Variants in LRRC4C observed in about 807,000 individuals in gnomAD.
The protein encoded by LRRC4C is leucine-rich repeat-containing protein 4C.
LRRC4C carries 5 observed loss-of-function variants against 33.6 expected under a neutral mutation model. That is an observed-to-expected ratio of 0.15 (90% CI 0.08 to 0.31). The LOEUF (loss-of-function observed/expected upper bound fraction) is 0.31. Ranked by LOEUF, LRRC4C falls within the 10% of genes least tolerant of loss-of-function variation. The pLI, the probability that LRRC4C is intolerant of heterozygous loss-of-function variation, is 1.00. For missense variants in LRRC4C, 560 were observed against 796.7 expected (o/e 0.70, Z 3.58); for synonymous variants, 329 against 302.0 (o/e 1.09, Z -0.93).
intron 5 of LRRC4C, among the ~76,000 whole-genome samples, chr11:40,177,102 C>A (rs797018963): frequency 6.6e-6 from 1 of 151,644 alleles, no homozygotes; most frequent in African/African-American, 2.4e-5. Flanking sequence ...TACAGGCGCC[C>A]GCCACCATGT....
chr11:40,365,313 T>G (rs1948157616), intron 3 of LRRC4C, among the ~76,000 whole-genome samples: 1 of 152,144 alleles, frequency 6.6e-6, no homozygotes, highest in South Asian at 2.1e-4. Flanking sequence ...GTTTCATCTC[T>G]TGATAGGAGG....
chr11:40,261,275 A>G (rs531423194), intron 4 of LRRC4C, among the ~76,000 whole-genome samples: 1 of 152,334 alleles, frequency 6.6e-6, no homozygotes, highest in African/African-American at 2.4e-5. Context: ...TTTGAAAAAG[A>G]AAGAAATAAA....
intron 2 of LRRC4C, among the ~76,000 whole-genome samples, chr11:40,719,615 C>A (rs1946908197): frequency 1.3e-5 from 2 of 152,122 alleles, no homozygotes; most frequent in Admixed American, 1.3e-4. Context: ...TGACTGGCTG[C>A]AGTAATTGCA....
intron 1 of LRRC4C, among the ~76,000 whole-genome samples, chr11:41,142,234 T>C (rs1406236138): frequency 6.6e-6 from 1 of 152,186 alleles, no homozygotes. Context: ...ATTCATTTGC[T>C]CCCTCTGCTA....
At chr11:40,623,153 GT>G (rs976617746) in intron 3 of LRRC4C, among the ~76,000 whole-genome samples, 3 of 151,376 alleles carry the variant, frequency 2.0e-5, no homozygotes, top group East Asian at 2.0e-4. Flanking sequence ...TCAAATCTCT[GT>G]TTTTTTCATT....
chr11:40,155,345 G>GA (rs1858596649), intron 5 of LRRC4C, among the ~76,000 whole-genome samples: 1 of 151,192 alleles, frequency 6.6e-6, no homozygotes, highest in Non-Finnish European at 1.5e-5. Flanking sequence ...CAGAAGGAAG[G>GA]AAAAACCAAG....
chr11:40,847,957 AT>A (rs2135715579), intron 2 of LRRC4C, among the ~76,000 whole-genome samples: 1 of 152,104 alleles, frequency 6.6e-6, no homozygotes, highest in East Asian at 1.9e-4. Context: ...TGTTTATAGT[AT>A]TCTCTGATGG....
At chr11:41,296,069 C>T (rs534220504) in intron 1 of LRRC4C, among the ~76,000 whole-genome samples, 6 of 152,240 alleles carry the variant, frequency 3.9e-5, no homozygotes, top group East Asian at 1.9e-4. Context: ...AGAAAGTAAG[C>T]TAACAGAAAG....
intron 3 of LRRC4C, among the ~76,000 whole-genome samples, chr11:40,630,788 A>T (rs1271991046): frequency 2.6e-5 from 4 of 152,102 alleles, no homozygotes; most frequent in Admixed American, 2.6e-4. Context: ...GGCTATAATG[A>T]CCAAGGCATT....
At chr11:40,344,320 A>G (rs1947021111) in intron 3 of LRRC4C, among the ~76,000 whole-genome samples, 1 of 152,218 alleles carries the variant, frequency 6.6e-6, no homozygotes, top group African/African-American at 2.4e-5. Flanking sequence ...AGTAAGCTTT[A>G]TCCCTGGCAT....
intron 2 of LRRC4C, among the ~76,000 whole-genome samples, chr11:40,776,713 T>C (rs530560147): frequency 6.6e-6 from 1 of 152,258 alleles, no homozygotes; most frequent in South Asian, 2.1e-4. Context: ...TGATTTTCAT[T>C]GTCTTGATAC....
At chr11:40,803,827 A>C (rs1252256467) in intron 2 of LRRC4C, among the ~76,000 whole-genome samples, 1 of 152,162 alleles carries the variant, frequency 6.6e-6, no homozygotes, top group Non-Finnish European at 1.5e-5. Context: ...GGTACATGAG[A>C]TATTTTGATA....
At chr11:40,144,935 A>G (rs1195900833) in intron 5 of LRRC4C, among the ~76,000 whole-genome samples, 2 of 152,198 alleles carry the variant, frequency 1.3e-5, no homozygotes, top group African/African-American at 4.8e-5. Context: ...TTGCACTTCT[A>G]TGTCCAATGT....
At chr11:40,983,630 G>A (rs1369476140) in intron 1 of LRRC4C, among the ~76,000 whole-genome samples, 1 of 151,964 alleles carries the variant, frequency 6.6e-6, no homozygotes, top group African/African-American at 2.4e-5. Flanking sequence ...GCATCTATAA[G>A]GAACTTAGAC....
intron 5 of LRRC4C, among the ~76,000 whole-genome samples, chr11:40,184,087 GT>G (rs35243055): frequency 0.034 from 5,206 of 152,216 alleles, 98 homozygotes; most frequent in Middle Eastern, 0.054. Context: ...GCTTAGCTAT[GT>G]TTGTGCTATT....
chr11:40,461,675 T>C lies in LRRC4C; in HGVS notation c.-269-141954A>G, dbSNP rs929142510. Reference sequence around the variant, plus strand: ...ATTTGTAAACTATATACAAATTATATATATATTATATAATAATCTTCTTTT... The same window carrying C: ...ATTTGTAAACTATATACAAATTATACATATATTATATAATAATCTTCTTTT... On this transcript the variant is annotated intron_variant, in intron 3 of 6. Transcript: ENST00000528697. Among the ~76,000 whole-genome samples the C allele has an allele frequency of 2.0e-5, 3 of 148,686 alleles. No homozygotes were observed. The Admixed American group carries it at 2.0e-4, about 10-fold the overall frequency.
intron 1 of LRRC4C, among the ~76,000 whole-genome samples, chr11:41,378,199 T>C (rs1262285302): frequency 6.6e-6 from 1 of 151,508 alleles, no homozygotes; most frequent in Non-Finnish European, 1.5e-5. Context: ...AAAAGGCCAG[T>C]AGGACTTTAA....
intron 2 of LRRC4C, among the ~76,000 whole-genome samples, chr11:40,748,949 T>C (rs568129993): frequency 6.6e-6 from 1 of 152,140 alleles, no homozygotes; most frequent in South Asian, 2.1e-4. Flanking sequence ...CTTAAATATA[T>C]GTGCATCCAA....
At chr11:40,164,715 C>T (rs1402300235) in intron 5 of LRRC4C, among the ~76,000 whole-genome samples, 3 of 151,924 alleles carry the variant, frequency 2.0e-5, no homozygotes, top group East Asian at 1.9e-4. Flanking sequence ...GGGTCGGGGA[C>T]GATTCTATAT....
Sources: gnomAD v4.1 joint callset for allele counts (sites outside exome capture counted in the v4.1 genomes callset) on GRCh38, gnomAD v4.1.1 for gene constraint, MANE v1.5 for transcripts, NCBI Gene and HGNC (gene_info 2026-07-23, HGNC 2026-07-21) for gene names.